Variants in AFF1 observed in about 807,000 individuals in gnomAD.
AFF1 encodes the protein AF4/FMR2 family member 1.
Under a neutral mutation model 121.7 loss-of-function variants are expected in AFF1, and 48 were observed. That is an observed-to-expected ratio of 0.39 (90% confidence interval 0.31 to 0.50). AFF1 has a LOEUF of 0.50. Among genes scored for constraint, AFF1 ranks in the 20% least tolerant of loss-of-function variants. AFF1 has a pLI of 0.76. For missense variants in AFF1, 1,523 were observed against 1,511.7 expected (o/e 1.01, Z -0.12); for synonymous variants, 613 against 563.0 (o/e 1.09, Z -1.26).
intron 2 of AFF1, among the ~76,000 whole-genome samples, chr4:86,958,174 A>G (rs1721892353): frequency 7.0e-6 from 1 of 142,938 alleles, no homozygotes; most frequent in African/African-American, 2.6e-5. Flanking sequence ...GCTCACTGCA[A>G]CTTCCACCTC....
At chr4:87,094,868 T>G (rs751892235) in intron 7 of AFF1, 47 bp from the exon 8 acceptor site, 1 of 1,586,190 alleles carries the variant, frequency 6.3e-7, no homozygotes, top group South Asian at 1.1e-5. Context: ...CTAAGGATCT[T>G]GTAAATATGT....
At chr4:87,035,418 G>A (rs1187387397) in intron 2 of AFF1, among the ~76,000 whole-genome samples, 1 of 152,128 alleles carries the variant, frequency 6.6e-6, no homozygotes, top group African/African-American at 2.4e-5. Context: ...AAAATTAGCT[G>A]GGTGTGGTGG....
intron 2 of AFF1, among the ~76,000 whole-genome samples, chr4:86,958,375 G>A (rs1721908763): frequency 6.6e-6 from 1 of 152,068 alleles, no homozygotes; most frequent in Admixed American, 6.5e-5. Flanking sequence ...ACAGGCGTGA[G>A]TCACCGTGCC....
intron 2 of AFF1, among the ~76,000 whole-genome samples, chr4:87,021,899 T>C (rs949140861): frequency 6.6e-6 from 1 of 152,230 alleles, no homozygotes; most frequent in Admixed American, 6.5e-5. Context: ...TTCACATCTT[T>C]ATGCTTAGAA....
intron 4 of AFF1, among the ~76,000 whole-genome samples, chr4:87,059,341 C>A (rs986610005): frequency 6.6e-6 from 1 of 152,214 alleles, no homozygotes; most frequent in Admixed American, 6.5e-5. Context: ...TGTTCTCCTT[C>A]CTCCTGGTCA....
intron 2 of AFF1, among the ~76,000 whole-genome samples, chr4:87,042,925 G>A (rs1044482810): frequency 6.6e-6 from 1 of 152,216 alleles, no homozygotes; most frequent in Non-Finnish European, 1.5e-5. Context: ...CTGAAATAAG[G>A]CTAATACAAG....
At chr4:87,105,719 T>TTA (rs1725847240) in intron 9 of AFF1, 37 bp downstream of exon 9, 6 of 1,614,038 alleles carry the variant, frequency 3.7e-6, no homozygotes, top group Non-Finnish European at 4.2e-6. Flanking sequence ...AGGAGTCCTT[T>TTA]TAAATACATC....
intron 4 of AFF1, among the ~76,000 whole-genome samples, chr4:87,074,315 A>C (rs1722439686): frequency 6.6e-6 from 1 of 152,184 alleles, no homozygotes; most frequent in Non-Finnish European, 1.5e-5. Flanking sequence ...TAAAAAAAAA[A>C]AAATCAGTGC....
At chr4:87,022,688 G>A (rs13103990) in intron 2 of AFF1, among the ~76,000 whole-genome samples, 14 of 26,130 alleles carry the variant, frequency 5.4e-4, no homozygotes, top group African/African-American at 1.9e-3. Flanking sequence ...GTGTGTGTAT[G>A]TATATCTGTG....
intron 4 of AFF1, among the ~76,000 whole-genome samples, chr4:87,049,100 G>T (rs868649656): frequency 1.8e-4 from 26 of 146,266 alleles, no homozygotes; most frequent in Admixed American, 4.1e-4. Flanking sequence ...AAAAAAGGGG[G>T]GGGGGGGACA....
intron 1 of AFF1, among the ~76,000 whole-genome samples, chr4:86,943,479 C>A (rs1336603873): frequency 1.3e-5 from 2 of 152,196 alleles, no homozygotes; most frequent in East Asian, 3.9e-4. Flanking sequence ...AGCCTACAGG[C>A]CTCTGAACAG....
intron 1 of AFF1, chr4:86,935,730 C>T (rs567637856): frequency 2.0e-5 from 3 of 152,142 alleles, no homozygotes; most frequent in Non-Finnish European, 2.9e-5. Flanking sequence ...CGCCGCGTCT[C>T]GCTGAGAGCA....
intron 4 of AFF1, among the ~76,000 whole-genome samples, chr4:87,069,565 TCTCTCTC>T (rs988040985): frequency 2.1e-5 from 3 of 145,962 alleles, no homozygotes; most frequent in Non-Finnish European, 3.0e-5. Context: ...TTCCCTCTCC[TCTCTCTC>T]CTCTCTCCCT....
chr4:87,003,406 T>G (rs560624456), intron 2 of AFF1, among the ~76,000 whole-genome samples: 155 of 152,252 alleles, frequency 1.0e-3, no homozygotes, highest in Admixed American at 3.1e-3. Context: ...TAGAACTATA[T>G]ATCCAGCTAA....
intron 1 of AFF1, among the ~76,000 whole-genome samples, chr4:86,942,889 C>T (rs1335453566): frequency 6.6e-6 from 1 of 152,200 alleles, no homozygotes; most frequent in East Asian, 1.9e-4. Context: ...AAGTAGCCAC[C>T]CTCTTCTAGA....
chr4:86,942,710 T>C (rs888593727), intron 1 of AFF1, among the ~76,000 whole-genome samples: 2 of 152,224 alleles, frequency 1.3e-5, no homozygotes, highest in African/African-American at 4.8e-5. Context: ...TAGACAAATA[T>C]GTCAGGCAAA....
At position 87,119,986 on chromosome 4, in the gene AFF1, A is replaced by C. The variant is rs1341118656; in HGVS notation, c.2466+4687A>C. 8.5e-5 allele frequency among the ~76,000 whole-genome samples: 13 copies of C among 152,184 alleles called. 1 individual carries two copies. On this transcript the variant is annotated intron_variant, in intron 12 of 20. Transcript: ENST00000395146. ...GTTATTGCTCCAGATCAGCACCCCT[A>C]GTTATCGTTCAAAATGAAAGCTCAT...
At chr4:87,013,940 A>G (rs535839232) in intron 2 of AFF1, among the ~76,000 whole-genome samples, 11 of 152,196 alleles carry the variant, frequency 7.2e-5, no homozygotes, top group African/African-American at 2.2e-4. Context: ...TGTGTGAGTG[A>G]GAGAGATCAT....
intron 2 of AFF1, among the ~76,000 whole-genome samples, chr4:87,024,169 A>T (rs1728298678): frequency 1.3e-5 from 2 of 152,236 alleles, no homozygotes; most frequent in South Asian, 2.1e-4. Flanking sequence ...ACACAGCTTC[A>T]GATCTACTCC....
Sources: allele counts gnomAD v4.1 joint callset (sites outside exome capture counted in the v4.1 genomes callset), GRCh38; gene constraint gnomAD v4.1.1; transcripts MANE v1.5; gene names NCBI Gene and HGNC (gene_info 2026-07-23, HGNC 2026-07-21).